STON2: variants seen among roughly 807,000 people sequenced by gnomAD.
STON2 encodes the protein stonin-2.
A neutral mutation model predicts 65.7 loss-of-function variants in STON2; 29 were observed. That is an observed-to-expected ratio of 0.44 (90% CI 0.33 to 0.60). The LOEUF is 0.60. STON2 is among the 20% of genes least tolerant of loss of function. The pLI is 0.03. For synonymous variants in STON2, 404 were observed against 414.2 expected (o/e 0.98, Z 0.30); for missense variants, 1,054 against 1,118.1 (o/e 0.94, Z 0.82).
intron 5 of STON2, among the ~76,000 whole-genome samples, chr14:81,315,162 T>A (rs1349450305): frequency 6.6e-6 from 1 of 152,206 alleles, no homozygotes; most frequent in Non-Finnish European, 1.5e-5. Flanking sequence ...AGGCAAGAGT[T>A]TTTACTATCA....
Position 81,326,858 on chromosome 14 carries a change from T to C in STON2, c.572-2671A>G, listed in dbSNP as rs546701517. On this transcript the variant is annotated intron_variant, in intron 4 of 7. Transcript: ENST00000614646. ...AGAAGTGTCTTCATAGTTTGAGACA[T>C]TACTTGGGACCTTAGATTGATTTGG... Among the ~76,000 whole-genome samples the C allele has an allele frequency of 2.0e-5, 3 of 152,356 alleles. No individual in the cohort carries two copies. The East Asian group carries it at 5.8e-4, about 29-fold the overall frequency.
At chr14:81,421,371 G>A (rs1366042006) in intron 2 of STON2, among the ~76,000 whole-genome samples, 6 of 152,198 alleles carry the variant, frequency 3.9e-5, no homozygotes, top group African/African-American at 7.2e-5. Context: ...TGCCAAGAAG[G>A]CTGGGTTTTG....
At chr14:81,271,611 C>G (rs1894596089) in intron 6 of STON2, among the ~76,000 whole-genome samples, 1 of 152,216 alleles carries the variant, frequency 6.6e-6, no homozygotes, top group African/African-American at 2.4e-5. Context: ...ATGCCAGGCA[C>G]AGTCCCTTGC....
intron 5 of STON2, among the ~76,000 whole-genome samples, chr14:81,308,291 T>A (rs939954932): frequency 1.3e-5 from 2 of 152,048 alleles, no homozygotes; most frequent in Non-Finnish European, 2.9e-5. Context: ...GCAACCTCTG[T>A]CTCCTGGGTT....
intron 4 of STON2, among the ~76,000 whole-genome samples, chr14:81,359,441 G>T (rs1284525084): frequency 6.6e-6 from 1 of 152,110 alleles, no homozygotes; most frequent in Non-Finnish European, 1.5e-5. Flanking sequence ...AAGGAATATT[G>T]CAAGTAGTAA....
chr14:81,330,842 A>G lies in STON2; in HGVS notation c.572-6655T>C, dbSNP rs535910656. 1.8e-4 allele frequency among the ~76,000 whole-genome samples: 27 copies of G among 152,358 alleles called. No homozygotes were observed. The South Asian group carries it at 5.0e-3, about 28-fold the overall frequency. The stretch of plus-strand genomic sequence containing the variant: ...CCAAGGATTAGCTGGCCTTACAGAC[A>G]GGACTATGCAATAGACTTCTCTCTA... On this transcript the variant is annotated intron_variant, in intron 4 of 7. Coordinates refer to ENST00000614646, the MANE Select transcript of STON2 (RefSeq NM_001394390.1).
chr14:81,281,435 C>T (rs1895114304), intron 5 of STON2, among the ~76,000 whole-genome samples: 1 of 152,210 alleles, frequency 6.6e-6, no homozygotes, highest in Non-Finnish European at 1.5e-5. Flanking sequence ...AATGAGGCAG[C>T]TCTAGAGAGC....
intron 5 of STON2, among the ~76,000 whole-genome samples, chr14:81,286,093 A>G (rs576588862): frequency 3.3e-5 from 5 of 152,280 alleles, no homozygotes; most frequent in African/African-American, 7.2e-5. Flanking sequence ...GGTTGCAGTG[A>G]GCCGAGACTG....
intron 4 of STON2, among the ~76,000 whole-genome samples, chr14:81,341,446 G>GTTTTTTT (rs748642462): frequency 1.7e-5 from 2 of 115,752 alleles, no homozygotes; most frequent in African/African-American, 4.0e-5. Flanking sequence ...TTTTATAAGT[G>GTTTTTTT]TTTTTTTTTT....
At chr14:81,297,817 T>A (rs1297468608) in intron 5 of STON2, among the ~76,000 whole-genome samples, 1 of 152,216 alleles carries the variant, frequency 6.6e-6, no homozygotes, top group Non-Finnish European at 1.5e-5. Flanking sequence ...GACGGGCAGA[T>A]CACCTGAGGT....
chr14:81,398,901 A>G (rs557443953), intron 1 of STON2, among the ~76,000 whole-genome samples: 1 of 152,368 alleles, frequency 6.6e-6, no homozygotes, highest in South Asian at 2.1e-4. Context: ...AACAAATATT[A>G]AAACTTTTCA....
At chr14:81,291,471 T>C (rs1895550846) in intron 5 of STON2, among the ~76,000 whole-genome samples, 1 of 152,158 alleles carries the variant, frequency 6.6e-6, no homozygotes, top group Non-Finnish European at 1.5e-5. Context: ...TTTAGCAGTC[T>C]AGACAAGCAG....
chr14:81,299,556 G>C (rs933841176), intron 5 of STON2, among the ~76,000 whole-genome samples: 3 of 152,168 alleles, frequency 2.0e-5, no homozygotes, highest in African/African-American at 7.2e-5. Flanking sequence ...AGCATTTTGG[G>C]CTGTTGCTGT....
At position 81,412,887 on chromosome 14, in the gene STON2, C is replaced by T. The variant is rs150005336; in HGVS notation, c.-199+14215G>A. 5,081 of 567,634 alleles carry T rather than the reference C, an allele frequency of 9.0e-3. 732 individuals are homozygous for T. The highest frequency in any genetic ancestry group is 0.041 in the African/African-American group (1,788 of 43,774). 35.2% of individuals were successfully genotyped at this position (567,634 alleles called of 1,614,324 possible). ...CTTAGAGGCGCCACGGCTTCCATAG[C>T]GATGGCAGCTCCAGCCGGGCGATGC... On this transcript the variant is annotated intron_variant, in intron 2 of 8. Coordinates refer to the STON2 transcript ENST00000553821.
chr14:81,329,923 C>G (rs1424307287), intron 4 of STON2, among the ~76,000 whole-genome samples: 1 of 152,212 alleles, frequency 6.6e-6, no homozygotes, highest in African/African-American at 2.4e-5. Flanking sequence ...GCAGAAGCCA[C>G]AGGACTTGTT....
upstream of STON2, among the ~76,000 whole-genome samples, chr14:81,400,913 G>T (rs1900581055): frequency 6.6e-6 from 1 of 152,152 alleles, no homozygotes; most frequent in Non-Finnish European, 1.5e-5. Context: ...ACAAGATAAT[G>T]TACGCCAAGT....
chr14:81,421,629 T>G (rs908104996), intron 2 of STON2, among the ~76,000 whole-genome samples: 10 of 152,114 alleles, frequency 6.6e-5, no homozygotes, highest in African/African-American at 2.4e-4. Context: ...TCATTGAGAT[T>G]GTGGAAGTAA....
intron 1 of STON2, among the ~76,000 whole-genome samples, chr14:81,428,529 C>T (rs1400858560): frequency 6.6e-6 from 1 of 151,928 alleles, no homozygotes; most frequent in African/African-American, 2.4e-5. Context: ...TCGAGACTAG[C>T]CAGGCCAACA....
chr14:81,362,706 C>A (rs898841713), intron 4 of STON2, among the ~76,000 whole-genome samples: 3 of 151,958 alleles, frequency 2.0e-5, no homozygotes, highest in African/African-American at 7.3e-5. Context: ...TTAATTGTTC[C>A]ACATTGTATT....
Sources: allele counts gnomAD v4.1 joint callset (sites outside exome capture counted in the v4.1 genomes callset), GRCh38; gene constraint gnomAD v4.1.1; transcripts MANE v1.5; gene names NCBI Gene and HGNC (gene_info 2026-07-23, HGNC 2026-07-21).